The following DNM3 variants were observed in gnomAD, a reference collection of about 807,000 sequenced individuals.
DNM3 encodes the protein dynamin-3.
A neutral mutation model predicts 101.6 loss-of-function variants in DNM3; 47 were observed. That is an observed-to-expected ratio of 0.46 (90% CI 0.37 to 0.59). The LOEUF (loss-of-function observed/expected upper bound fraction) is 0.59, where lower values mean the gene tolerates loss of function less well. Among genes scored for constraint, DNM3 ranks in the 20% least tolerant of loss-of-function variants. The pLI, the probability that DNM3 is intolerant of heterozygous loss-of-function variation, is 0.00. For synonymous variants in DNM3, 385 were observed against 387.9 expected (o/e 0.99, Z 0.09); for missense variants, 849 against 1,085.7 (o/e 0.78, Z 3.06).
At chr1:171,930,467 C>T (rs1416557704) in intron 2 of DNM3, among the ~76,000 whole-genome samples, 1 of 152,166 alleles carries the variant, frequency 6.6e-6, no homozygotes, top group Non-Finnish European at 1.5e-5. Flanking sequence ...ATCTAAGGCT[C>T]CTGGTCTCTG....
At chr1:172,030,261 C>A (rs1269021785) in intron 4 of DNM3, among the ~76,000 whole-genome samples, 1 of 152,166 alleles carries the variant, frequency 6.6e-6, no homozygotes, top group Non-Finnish European at 1.5e-5. Context: ...CAGACATCTA[C>A]AACCATCTGA....
intron 14 of DNM3, among the ~76,000 whole-genome samples, chr1:172,142,990 A>G (rs1318220324): frequency 1.3e-5 from 2 of 152,040 alleles, no homozygotes; most frequent in Non-Finnish European, 2.9e-5. Context: ...TAACTTTACT[A>G]TATCATCTAA....
intron 14 of DNM3, among the ~76,000 whole-genome samples, chr1:172,233,778 A>T (rs1460881485): frequency 6.6e-6 from 1 of 152,234 alleles, no homozygotes; most frequent in Non-Finnish European, 1.5e-5. Context: ...AAACAGAACC[A>T]ACGACAAAAA....
chr1:172,028,583 G>T (rs1315001036), intron 4 of DNM3, among the ~76,000 whole-genome samples: 1 of 152,078 alleles, frequency 6.6e-6, no homozygotes, highest in Admixed American at 6.5e-5. Context: ...AGAACTGAAG[G>T]AGATAGAAAC....
chr1:172,194,378 T>A (rs1481085274), intron 14 of DNM3, among the ~76,000 whole-genome samples: 1 of 152,140 alleles, frequency 6.6e-6, no homozygotes, highest in Non-Finnish European at 1.5e-5. Context: ...CTATTAGGTC[T>A]GCTTGGTGCA....
intron 2 of DNM3, among the ~76,000 whole-genome samples, chr1:171,924,605 T>C (rs1281264089): frequency 1.3e-5 from 2 of 152,144 alleles, no homozygotes; most frequent in Admixed American, 1.3e-4. Context: ...GAACTCACTA[T>C]CATGAGAACA....
intron 20 of DNM3, among the ~76,000 whole-genome samples, chr1:172,402,606 CA>C (rs1295672563): frequency 6.6e-6 from 1 of 152,120 alleles, no homozygotes; most frequent in Admixed American, 6.5e-5. Context: ...CTACCCTCTC[CA>C]AAGATTAGAA....
intron 17 of DNM3, among the ~76,000 whole-genome samples, chr1:172,330,225 C>T (rs947053627): frequency 6.6e-6 from 1 of 152,102 alleles, no homozygotes; most frequent in African/African-American, 2.4e-5. Context: ...TGTTTTAAAA[C>T]AGCATCAATA....
rs371079449 is a variant in DNM3, at chr1:172,388,843, C to T, written c.2522+34C>T. ...TGGAGCAGAAATTGGGGGGGTAGTG[C>T]GCCTTGGTTCTCTTCTCATAGAATG... On this transcript the variant is annotated intron_variant, in intron 20 of 20. Coordinates refer to ENST00000627582, the MANE Select transcript of DNM3 (RefSeq NM_015569.5). 1.6e-4 allele frequency: 235 copies of T among 1,477,788 alleles called. 1 individual carries two copies. Among genetic ancestry groups the T allele is most frequent in the Admixed American group, 1.2e-3 (60 of 49,832 alleles). The allele number at this position is 1,477,788 out of a possible 1,614,324, so 91.5% of individuals were successfully genotyped here.
At chr1:171,965,330 G>GCCAA (rs907696968) in intron 2 of DNM3, among the ~76,000 whole-genome samples, 1 of 151,366 alleles carries the variant, frequency 6.6e-6, no homozygotes, top group Non-Finnish European at 1.5e-5. Flanking sequence ...ATTGCTTGAG[G>GCCAA]CCAAGAGTTT....
intron 15 of DNM3, among the ~76,000 whole-genome samples, chr1:172,301,720 A>G (rs1275266405): frequency 2.0e-5 from 3 of 152,190 alleles, no homozygotes; most frequent in Admixed American, 6.5e-5. Context: ...ATATTATGCT[A>G]CTATAATCTG....
chr1:171,921,539 T>G (rs1167553588), intron 1 of DNM3, among the ~76,000 whole-genome samples: 1 of 152,194 alleles, frequency 6.6e-6, no homozygotes, highest in East Asian at 1.9e-4. Flanking sequence ...TATGATAATG[T>G]ACATGGATTT....
At chr1:171,914,832 T>C (rs2039586807) in intron 1 of DNM3, among the ~76,000 whole-genome samples, 1 of 151,958 alleles carries the variant, frequency 6.6e-6, no homozygotes, top group African/African-American at 2.4e-5. Flanking sequence ...AAATATTTAG[T>C]GCCTAGGCAC....
At chr1:172,161,885 A>G (rs2058558819) in intron 14 of DNM3, among the ~76,000 whole-genome samples, 1 of 152,112 alleles carries the variant, frequency 6.6e-6, no homozygotes, top group African/African-American at 2.4e-5. Flanking sequence ...TACCATCATG[A>G]TAAGTTGTGG....
At position 172,266,342 on chromosome 1, in the gene DNM3, C is replaced by T. The variant is rs558153060; in HGVS notation, c.1769+12660C>T. Among the ~76,000 whole-genome samples the T allele has an allele frequency of 5.3e-5, 8 of 151,958 alleles. No homozygotes were observed. The South Asian group carries it at 1.5e-3, about 28-fold the overall frequency. ...GTCTCAATTGGATATGGTTGAGTGT[C>T]GGATCTACATTAAAAAAGGAACAAT... is the stretch of plus-strand genomic sequence containing the variant. On this transcript the variant is annotated intron_variant, in intron 15 of 20. Transcript: ENST00000627582.
Position 172,260,566 on chromosome 1 carries a change from C to A in DNM3, c.1769+6884C>A, listed in dbSNP as rs1369470660. Among the ~76,000 whole-genome samples, 3 of 151,816 alleles carry A rather than the reference C, an allele frequency of 2.0e-5. No homozygotes were observed. In the East Asian group the frequency reaches 5.8e-4, roughly 29 times the overall value. ...TGGGTTATTTCAAAAGATCTGTATTCAAGTTCTGAGATTCTTTCTCCTGCT... is the reference window on the plus strand; with the variant it reads ...TGGGTTATTTCAAAAGATCTGTATTAAAGTTCTGAGATTCTTTCTCCTGCT... On this transcript the variant is annotated intron_variant, in intron 15 of 20. Transcript: ENST00000627582.
intron 14 of DNM3, among the ~76,000 whole-genome samples, chr1:172,154,084 A>G (rs1324117666): frequency 6.6e-6 from 1 of 152,036 alleles, no homozygotes; most frequent in African/African-American, 2.4e-5. Flanking sequence ...TGACATTTAT[A>G]TCTTATCTTT....
chr1:171,911,200 C>T (rs767840609), intron 1 of DNM3, among the ~76,000 whole-genome samples: 6 of 150,958 alleles, frequency 4.0e-5, no homozygotes, highest in Non-Finnish European at 8.8e-5. Context: ...GGTAGTGCTC[C>T]ATTCTGTTTT....
chr1:171,995,573 C>T (rs868094035), intron 4 of DNM3, among the ~76,000 whole-genome samples: 5 of 152,082 alleles, frequency 3.3e-5, no homozygotes, highest in South Asian at 2.1e-4. Context: ...CCAGCATTCC[C>T]GTTTATATTC....
Sources: gnomAD v4.1 joint callset for allele counts (sites outside exome capture counted in the v4.1 genomes callset) on GRCh38, gnomAD v4.1.1 for gene constraint, MANE v1.5 for transcripts, NCBI Gene and HGNC (gene_info 2026-07-23, HGNC 2026-07-21) for gene names.